Variants in TMPRSS9 observed in about 807,000 individuals in gnomAD.
The protein encoded by TMPRSS9 is transmembrane serine protease 9, also known as transmembrane protease serine 9.
Under a neutral mutation model 111.4 loss-of-function variants are expected in TMPRSS9, and 113 were observed. The observed-to-expected ratio is 1.01, with a 90% CI of 0.87 to 1.19. The LOEUF (loss-of-function observed/expected upper bound fraction) is 1.19. TMPRSS9 is among the 50% of genes most tolerant of loss of function. TMPRSS9 has a pLI of 0.00. For missense variants in TMPRSS9, 1,803 were observed against 1,513.1 expected, an observed-to-expected ratio of 1.19 and a Z score of -3.18; for synonymous variants, 805 against 659.1, an observed-to-expected ratio of 1.22 and a Z score of -3.39.
intron 14 of TMPRSS9, 30 bp from the exon 16 acceptor site, chr19:2,424,059 C>G (rs895168614): frequency 7.2e-6 from 9 of 1,255,704 alleles, no homozygotes; most frequent in African/African-American, 1.6e-5. Context: ...GCCCTGGGTC[C>G]GCCTGCCCAC....
chr19:2,394,915 C>T (rs1224503848), intron 1 of TMPRSS9, among the ~76,000 whole-genome samples: 3 of 152,126 alleles, frequency 2.0e-5, no homozygotes, highest in Non-Finnish European at 2.9e-5. Context: ...CTTGCATCAG[C>T]ATAGGAATTT....
rs1167681289 is a variant in TMPRSS9 at position 2,425,268 on chromosome 19, G to A, written c.2983+1G>A. 4.6e-6 allele frequency: 6 copies of A among 1,300,346 alleles called. No individual in the cohort carries two copies. The highest frequency in any genetic ancestry group is 4.9e-6 in the Non-Finnish European group (5 of 1,024,610). The allele number at this position is 1,300,346 out of a possible 1,614,324, so 80.6% of individuals were successfully genotyped here. A position where few individuals can be genotyped will look rare whatever the true frequency, so the allele number is the denominator to read the frequency against. On this transcript the variant is annotated splice_donor_variant, in intron 16 of 17. Transcript: ENST00000648592. LOFTEE classifies it high-confidence loss of function. ...GGCTGGGGCTCGGTGCGCGAAGGAG[G>A]TAGGCGCGCCCGGGGCCGCGGTGGT...
exon 8 of TMPRSS9, chr19:2,408,429 C>A (rs142962468): frequency 6.1e-5 from 98 of 1,613,704 alleles, no homozygotes; most frequent in Non-Finnish European, 7.9e-5. Flanking sequence ...CAGCACCGTG[C>A]GGGCCCAGGT....
At chr19:2,418,227 T>C in intron 13 of TMPRSS9, 89 bp downstream of exon 14, 1 of 1,506,162 alleles carries the variant, frequency 6.6e-7, no homozygotes, top group Non-Finnish European at 9.1e-7. Context: ...AGACCTAGAT[T>C]TTTTTCCTTT....
At chr19:2,368,141 C>G (rs1249282802) in intron 1 of TMPRSS9, among the ~76,000 whole-genome samples, 1 of 152,142 alleles carries the variant, frequency 6.6e-6, no homozygotes, top group African/African-American at 2.4e-5. Flanking sequence ...AAATAACTTG[C>G]TCTTTCAGGA....
chr19:2,365,200 C>T (rs1970239100), intron 1 of TMPRSS9, among the ~76,000 whole-genome samples: 1 of 152,064 alleles, frequency 6.6e-6, no homozygotes, highest in Admixed American at 6.6e-5. Flanking sequence ...GGCGTCTTCC[C>T]TCCCACACGA....
chr19:2,405,408 C>T, exon 7 of TMPRSS9: 1 of 1,605,422 alleles, frequency 6.2e-7, no homozygotes, highest in Non-Finnish European at 8.5e-7. Flanking sequence ...GGATGGCCGG[C>T]AGGATCGTGG....
rs747396449 is a variant in TMPRSS9 at position 2,408,990 on chromosome 19, A to AAGTAATAATAAT, written c.1117+361_1117+362insGTAATAATAATA. ...GGTGACAGTGGGAGGCTCCATCTCA[A>AAGTAATAATAAT]AATAATAATAATAATAATAATAATA... is the stretch of plus-strand genomic sequence containing the variant. On this transcript the variant is annotated intron_variant, in intron 8 of 17. Transcript: ENST00000648592. Among the ~76,000 whole-genome samples the AAGTAATAATAAT allele has an allele frequency of 4.0e-5, 5 of 124,992 alleles. No homozygotes were observed. In the East Asian group the frequency reaches 9.3e-4, roughly 23 times the overall value. 82.0% of individuals were successfully genotyped at this position (124,992 alleles called of 152,430 possible). A position where few individuals can be genotyped will look rare whatever the true frequency, so the allele number is the denominator to read the frequency against.
rs8100380 is a variant in TMPRSS9, at chr19:2,389,815, C to T, written c.30C>T (p.Leu10=). The change falls in exon 1 of 18, where the codon CTC becomes CTT. Residue 10 remains leucine (L), a synonymous_variant. Coordinates refer to ENST00000648592, the Ensembl canonical transcript of TMPRSS9. ...AGCCCACTGTGGCTGACGTACACCT[C>T]GTGCCCAGGACAACCAAGGAAGTCC... The T allele has an allele frequency of 9.8e-3, 15,849 of 1,613,782 alleles. 1,072 individuals are homozygous for T. The African/African-American group carries it at 0.17, about 17-fold the overall frequency.
In TMPRSS9 at chr19:2,413,602, T is replaced by G. The variant is rs575574897; in HGVS notation, c.1255-98T>G. ...TGTGAGCTTGTGTGGAGAGAGGTCCTGGCTGTCCCAGCTCAGAGCTCCTTC... is the reference window on the plus strand; with the variant it reads ...TGTGAGCTTGTGTGGAGAGAGGTCCGGGCTGTCCCAGCTCAGAGCTCCTTC... On this transcript the variant is annotated intron_variant, in intron 9 of 17. Transcript: ENST00000648592. 30 of 1,364,504 alleles carry G rather than the reference T, an allele frequency of 2.2e-5. No homozygotes were observed. The South Asian group carries it at 3.8e-4, about 17-fold the overall frequency. 84.5% of individuals were successfully genotyped at this position (1,364,504 alleles called of 1,614,324 possible).
At chr19:2,388,770 GCCA>G (rs1188881245), upstream of TMPRSS9, among the ~76,000 whole-genome samples, 3 of 151,778 alleles carry the variant, frequency 2.0e-5, no homozygotes, top group East Asian at 5.9e-4. Context: ...ACAGGCATGA[GCCA>G]CCACATCTGG....
chr19:2,367,064 G>C (rs1970253083), intron 1 of TMPRSS9, among the ~76,000 whole-genome samples: 1 of 151,998 alleles, frequency 6.6e-6, no homozygotes, highest in South Asian at 2.1e-4. Context: ...ATTCAAGGGA[G>C]AGAAAGAACA....
chr19:2,390,718 G>A (rs72971423), intron 1 of TMPRSS9, among the ~76,000 whole-genome samples: 81,500 of 151,052 alleles, frequency 0.54, 22,763 homozygotes, highest in Middle Eastern at 0.67. Context: ...TTACCCAGGC[G>A]TGGTGGCACC....
chr19:2,410,416 C>T (rs1287799129), intron 9 of TMPRSS9, 22 bp downstream of exon 10: 1 of 1,612,316 alleles, frequency 6.2e-7, no homozygotes, highest in South Asian at 1.1e-5. Flanking sequence ...ATGCCCCAGA[C>T]CCCAGAAAAA....
chr19:2,425,974 G>A lies in TMPRSS9; in HGVS notation c.3168G>A (p.Trp1056Ter). The A allele has an allele frequency of 6.2e-7, 1 of 1,607,242 alleles. No individual in the cohort carries two copies. Among genetic ancestry groups the A allele is most frequent in the Non-Finnish European group, 8.5e-7 (1 of 1,177,876 alleles). ...CCTGCAGGGAGCCCTCTGGACGGTGGGTGCTAACTGGGGTCACTAGCTGGG... is the reference window on the plus strand; with the variant it reads ...CCTGCAGGGAGCCCTCTGGACGGTGAGTGCTAACTGGGGTCACTAGCTGGG... The change falls in exon 18 of 18, where the codon TGG becomes TGA. Residue 1056 changes from tryptophan (W) to a stop codon, truncating the protein, a stop_gained. Transcript: ENST00000648592. LOFTEE classifies it low-confidence loss of function (END_TRUNC).
chr19:2,425,034 T>G, exon 16 of TMPRSS9: 2 of 1,550,368 alleles, frequency 1.3e-6, no homozygotes, highest in South Asian at 1.2e-5. Context: ...GCGGCCTTCC[T>G]AGGCACGCCG....
At chr19:2,371,468 CCT>C (rs1017113088) in intron 1 of TMPRSS9, among the ~76,000 whole-genome samples, 9 of 152,098 alleles carry the variant, frequency 5.9e-5, no homozygotes, top group Admixed American at 4.6e-4. Context: ...AGGCGGATTG[CCT>C]GAGTTCAGGT....
chr19:2,418,258 CCCTCCTTG>C, intron 13 of TMPRSS9, 120 bp downstream of exon 14: 1 of 1,036,026 alleles, frequency 9.7e-7, no homozygotes, highest in East Asian at 4.4e-5. Flanking sequence ...CCCCCTCCTT[CCCTCCTTG>C]TCCTTCCCTC....
chr19:2,380,598 CAAAA>C (rs112276283), intron 1 of TMPRSS9, among the ~76,000 whole-genome samples: 1 of 110,852 alleles, frequency 9.0e-6, no homozygotes. Context: ...AAGACTCCAC[CAAAA>C]AAAAAAAAAA....
Sources: allele counts gnomAD v4.1 joint callset (sites outside exome capture counted in the v4.1 genomes callset), GRCh38; gene constraint gnomAD v4.1.1; transcripts MANE v1.5; gene names NCBI Gene and HGNC (gene_info 2026-07-23, HGNC 2026-07-21).